ZNF568: variants seen among roughly 807,000 people sequenced by gnomAD.
ZNF568 encodes the protein p53 inhibitor of SCO2 activation.
In ZNF568, 11 loss-of-function variants were observed where a neutral mutation model predicts 18.1. That is an observed-to-expected ratio of 0.61 (90% CI 0.38 to 1.00). The LOEUF (loss-of-function observed/expected upper bound fraction) is 1.00. Among genes scored for constraint, ZNF568 ranks in the 50% least tolerant of loss-of-function variants. The pLI is 0.01. For missense variants in ZNF568, 639 were observed against 768.2 expected, an observed-to-expected ratio of 0.83 and a Z score of 1.99; for synonymous variants, 213 against 246.6, an observed-to-expected ratio of 0.86 and a Z score of 1.28.
intron 2 of ZNF568, among the ~76,000 whole-genome samples, chr19:36,920,293 G>T (rs1482074717): frequency 6.6e-6 from 1 of 152,140 alleles, no homozygotes; most frequent in Non-Finnish European, 1.5e-5. Flanking sequence ...TGCATTTTAA[G>T]CTATGTGCTA....
At chr19:36,985,597 A>AC (rs1338131486) in intron 2 of ZNF568, among the ~76,000 whole-genome samples, 5 of 152,154 alleles carry the variant, frequency 3.3e-5, no homozygotes, top group African/African-American at 1.2e-4. Flanking sequence ...ATCTTGGCTC[A>AC]CTGCAGCCTC....
intron 6 of ZNF568, among the ~76,000 whole-genome samples, chr19:36,940,421 T>C (rs113828205): frequency 0.017 from 2,658 of 152,324 alleles, 36 homozygotes; most frequent in African/African-American, 0.037. Flanking sequence ...TGAAAACATA[T>C]ACTATCTTCT....
intron 2 of ZNF568, among the ~76,000 whole-genome samples, chr19:36,987,596 CTTTGGGGTG>C (rs1188221656): frequency 3.2e-4 from 11 of 34,490 alleles, no homozygotes; most frequent in African/African-American, 1.6e-3. Flanking sequence ...TCCCTCAAGT[CTTTGGGGTG>C]CCTTCAAGTC....
At chr19:36,991,789 G>A (rs998584270) in exon 4 of ZNF568, 1 of 1,581,404 alleles carries the variant, frequency 6.3e-7, no homozygotes, top group Non-Finnish European at 8.5e-7. Flanking sequence ...CTCCTTATTG[G>A]AGCAGAAGAA....
At chr19:36,957,312 A>G (rs2074115408), downstream of ZNF568, among the ~76,000 whole-genome samples, 1 of 139,676 alleles carries the variant, frequency 7.2e-6, no homozygotes, top group African/African-American at 2.7e-5. Flanking sequence ...GCTCACTGCA[A>G]TCTCTGCCTC....
chr19:36,955,194 CT>C (rs34883962), downstream of ZNF568, among the ~76,000 whole-genome samples: 54,155 of 147,590 alleles, frequency 0.37, 9,968 homozygotes, highest in African/African-American at 0.42. Context: ...ATTTGTGAGA[CT>C]TTTTTTTTTT....
rs1031835875 is a variant in ZNF568, at chr19:36,962,128, T to C, written c.359-12292T>C. Reference sequence around the variant, plus strand: ...GCTTTTTTGTTGTTTTATGTTTTTTTTTTTTTTAATTTGTTTTCTTATTGT... The same window carrying C: ...GCTTTTTTGTTGTTTTATGTTTTTTCTTTTTTTAATTTGTTTTCTTATTGT... On this transcript the variant is annotated intron_variant, in intron 6 of 7. Transcript: ENST00000427117. Among the ~76,000 whole-genome samples, 467 of 150,912 alleles carry C rather than the reference T, an allele frequency of 3.1e-3. 5 individuals are homozygous for C. Among genetic ancestry groups the C allele is most frequent in the African/African-American group, 0.011 (450 of 41,326 alleles).
chr19:36,978,611 A>G (rs1195467933), intron 7 of ZNF568, among the ~76,000 whole-genome samples: 1 of 152,122 alleles, frequency 6.6e-6, no homozygotes, highest in Admixed American at 6.5e-5. Flanking sequence ...CTTATTTCCT[A>G]TAGCAAGATT....
At chr19:36,956,611 T>G (rs1167528110), downstream of ZNF568, among the ~76,000 whole-genome samples, 5 of 152,100 alleles carry the variant, frequency 3.3e-5, no homozygotes, top group Non-Finnish European at 5.9e-5. Flanking sequence ...CTTTTTTTTT[T>G]TTTTGAGACA....
At chr19:36,965,335 C>G (rs2074186307) in intron 6 of ZNF568, among the ~76,000 whole-genome samples, 1 of 152,044 alleles carries the variant, frequency 6.6e-6, no homozygotes, top group Admixed American at 6.6e-5. Flanking sequence ...CAGTGAGATA[C>G]AAGCAAAAAT....
chr19:36,940,851 A>G (rs1308495389), intron 6 of ZNF568, among the ~76,000 whole-genome samples: 2 of 152,214 alleles, frequency 1.3e-5, no homozygotes, highest in South Asian at 4.1e-4. Flanking sequence ...ATTAGAAAAC[A>G]TAACAAAATG....
exon 8 of ZNF568, chr19:36,979,372 G>C (rs1306830678): frequency 6.6e-6 from 1 of 152,326 alleles, no homozygotes; most frequent in African/African-American, 2.4e-5. Context: ...CCCATGTTAA[G>C]AGGTAGAATG....
At chr19:36,956,613 T>G (rs1006318568), downstream of ZNF568, among the ~76,000 whole-genome samples, 4 of 152,100 alleles carry the variant, frequency 2.6e-5, no homozygotes, top group African/African-American at 9.7e-5. Context: ...TTTTTTTTTT[T>G]TTGAGACAGG....
At chr19:36,939,138 TTA>T (rs1179392716) in intron 6 of ZNF568, among the ~76,000 whole-genome samples, 2 of 152,218 alleles carry the variant, frequency 1.3e-5, no homozygotes, top group African/African-American at 4.8e-5. Flanking sequence ...TTCTCCCAAG[TTA>T]AAGAGAGATT....
chr19:36,970,385 G>A (rs567110746), intron 6 of ZNF568, among the ~76,000 whole-genome samples: 2 of 146,908 alleles, frequency 1.4e-5, no homozygotes, highest in South Asian at 2.2e-4. Context: ...TCGCTCTGTC[G>A]CCCAGGCTGG....
intron 4 of ZNF568, among the ~76,000 whole-genome samples, chr19:36,929,685 A>C (rs1600780074): frequency 3.7e-5 from 1 of 26,754 alleles, no homozygotes; most frequent in African/African-American, 3.0e-4. Flanking sequence ...ACTCCGTCTC[A>C]AAAAAAAAAA....
At chr19:36,971,203 A>G (rs1002919090) in intron 6 of ZNF568, among the ~76,000 whole-genome samples, 1 of 151,894 alleles carries the variant, frequency 6.6e-6, no homozygotes, top group African/African-American at 2.4e-5. Flanking sequence ...ACTGCACACC[A>G]GCCTGGGCAA....
intron 3 of ZNF568, chr19:36,991,704 A>T: frequency 6.8e-7 from 1 of 1,464,454 alleles, no homozygotes; most frequent in Non-Finnish European, 9.1e-7. Flanking sequence ...ACTGATTTTT[A>T]ATTCTGACAC....
At chr19:36,954,933 G>A (rs985817819), downstream of ZNF568, among the ~76,000 whole-genome samples, 1 of 151,610 alleles carries the variant, frequency 6.6e-6, no homozygotes, top group African/African-American at 2.4e-5. Context: ...AGGCTGGAAT[G>A]CAGCAGCATG....
Sources: allele counts gnomAD v4.1 joint callset (sites outside exome capture counted in the v4.1 genomes callset), GRCh38; gene constraint gnomAD v4.1.1; transcripts MANE v1.5; gene names NCBI Gene and HGNC (gene_info 2026-07-23, HGNC 2026-07-21).